Variants in NEDD4L observed in about 807,000 individuals in gnomAD.
The protein encoded by NEDD4L is NEDD4 like E3 ubiquitin protein ligase, also known as E3 ubiquitin-protein ligase NEDD4-like.
A neutral mutation model predicts 148.9 loss-of-function variants in NEDD4L; 54 were observed. That is an observed-to-expected ratio of 0.36 (90% confidence interval 0.29 to 0.45). The LOEUF (loss-of-function observed/expected upper bound fraction) is 0.45. Among genes scored for constraint, NEDD4L ranks in the 20% least tolerant of loss-of-function variants. The probability of loss-of-function intolerance (pLI) is 1.00; values close to 1 mark genes in which losing one functional copy is unlikely to be tolerated. For missense variants in NEDD4L, 856 were observed against 1,233.8 expected, an observed-to-expected ratio of 0.69 and a Z score of 4.59; for synonymous variants, 433 against 440.7, an observed-to-expected ratio of 0.98 and a Z score of 0.22.
intron 2 of NEDD4L, among the ~76,000 whole-genome samples, chr18:58,169,550 T>TAA (rs11377224): frequency 4.0e-5 from 6 of 151,604 alleles, no homozygotes; most frequent in East Asian, 1.9e-4. Context: ...CAAAACAGCT[T>TAA]AAAAAAAATG....
At chr18:58,393,822 C>T (rs1252988361) in intron 30 of NEDD4L, among the ~76,000 whole-genome samples, 1 of 152,188 alleles carries the variant, frequency 6.6e-6, no homozygotes, top group Non-Finnish European at 1.5e-5. Flanking sequence ...CCTAGAAGAG[C>T]AGAAGCTGAA....
intron 19 of NEDD4L, among the ~76,000 whole-genome samples, chr18:58,363,164 T>C (rs941453506): frequency 6.6e-6 from 1 of 152,240 alleles, no homozygotes; most frequent in Non-Finnish European, 1.5e-5. Flanking sequence ...AGTGGTTGTT[T>C]GTTTTGTTTC....
At chr18:58,060,631 T>C (rs1398338499) in intron 1 of NEDD4L, among the ~76,000 whole-genome samples, 1 of 152,120 alleles carries the variant, frequency 6.6e-6, no homozygotes, top group African/African-American at 2.4e-5. Context: ...AATCCCTAGG[T>C]TTCTTCAGAG....
chr18:58,326,076 T>C (rs1199418383), intron 9 of NEDD4L, among the ~76,000 whole-genome samples: 1 of 152,192 alleles, frequency 6.6e-6, no homozygotes, highest in Non-Finnish European at 1.5e-5. Flanking sequence ...TGGCTAATGA[T>C]ACATTTTAGA....
rs375352686 is a variant in NEDD4L, at chr18:58,327,242, C to T, written c.681-1753C>T. Among the ~76,000 whole-genome samples the T allele has an allele frequency of 4.6e-5, 7 of 152,178 alleles. No homozygotes were observed. The East Asian group carries it at 5.8e-4, about 13-fold the overall frequency. ...CCTCCTGAGTAGCTGGGATTACAGG[C>T]GCCCGCCGCCATGCCCAGCTAATGT... On this transcript the variant is annotated intron_variant, in intron 9 of 30. Coordinates refer to ENST00000400345, the MANE Select transcript of NEDD4L (RefSeq NM_001144967.3).
intron 1 of NEDD4L, among the ~76,000 whole-genome samples, chr18:58,155,413 T>G (rs76934865): frequency 0.011 from 1,720 of 152,236 alleles, 31 homozygotes; most frequent in African/African-American, 0.04. Context: ...CAAATTTCTA[T>G]TTTGCTTTAT....
At chr18:58,066,914 G>A (rs2082629772) in intron 1 of NEDD4L, among the ~76,000 whole-genome samples, 1 of 152,070 alleles carries the variant, frequency 6.6e-6, no homozygotes, top group Non-Finnish European at 1.5e-5. Flanking sequence ...CCTTGTACCA[G>A]GCCCCTCCTA....
chr18:58,237,881 G>A (rs2046212872), intron 2 of NEDD4L, among the ~76,000 whole-genome samples: 1 of 152,186 alleles, frequency 6.6e-6, no homozygotes, highest in Admixed American at 6.5e-5. Flanking sequence ...GGCAAGGGGG[G>A]CTGCAAGGCC....
At chr18:58,194,748 T>A (rs2040476412) in intron 2 of NEDD4L, among the ~76,000 whole-genome samples, 1 of 152,148 alleles carries the variant, frequency 6.6e-6, no homozygotes, top group Non-Finnish European at 1.5e-5. Context: ...TGCTATTGGG[T>A]ATGCACTGGA....
intron 30 of NEDD4L, among the ~76,000 whole-genome samples, chr18:58,395,250 A>G (rs972301480): frequency 1.3e-5 from 2 of 152,174 alleles, no homozygotes; most frequent in African/African-American, 4.8e-5. Context: ...ACACACACAC[A>G]CAGAGGTGCA....
intron 1 of NEDD4L, among the ~76,000 whole-genome samples, chr18:58,113,039 C>A (rs759085045): frequency 3.9e-5 from 6 of 152,178 alleles, no homozygotes; most frequent in Non-Finnish European, 7.3e-5. Context: ...GGAAGTGGCC[C>A]TAGTCAGACA....
Position 58,279,793 on chromosome 18 carries a change from A to G in NEDD4L, c.297+27739A>G, listed in dbSNP as rs369223238. ...GCAAACTTTCTGTAAAAGGCCAGAT[A>G]GTAAATATTGTGGCCTCTATTTAGT... On this transcript the variant is annotated intron_variant, in intron 5 of 30. Transcript: ENST00000400345. 1.4e-3 allele frequency among the ~76,000 whole-genome samples: 218 copies of G among 152,372 alleles called. 4 individuals carry two copies. In the South Asian group the frequency reaches 0.042, roughly 30 times the overall value.
chr18:58,169,481 A>G (rs995154898), intron 2 of NEDD4L, among the ~76,000 whole-genome samples: 3 of 152,140 alleles, frequency 2.0e-5, no homozygotes, highest in Admixed American at 2.0e-4. Flanking sequence ...GGTCAGAGAC[A>G]TCCAGCCTTT....
intron 1 of NEDD4L, among the ~76,000 whole-genome samples, chr18:58,077,872 G>C (rs1435772352): frequency 6.6e-6 from 1 of 152,086 alleles, no homozygotes; most frequent in Non-Finnish European, 1.5e-5. Flanking sequence ...ACAATGTCTG[G>C]GATGGTTTGG....
At position 58,256,415 on chromosome 18, in the gene NEDD4L, G is replaced by T; in HGVS notation, c.297+4361G>T. 1 of 1,232,308 alleles carries T rather than the reference G, an allele frequency of 8.1e-7. No individual in the cohort carries two copies. Among genetic ancestry groups the T allele is most frequent in the Non-Finnish European group, 1.0e-6 (1 of 988,126 alleles). 76.3% of individuals were successfully genotyped at this position (1,232,308 alleles called of 1,614,324 possible). ...ACAAGGCGCTTCGGGGCCAGGCAGC[G>T]ACCTCAACTTTGGCTTCACGGGCAC... On this transcript the variant is annotated intron_variant, in intron 5 of 30. Coordinates refer to ENST00000400345, the MANE Select transcript of NEDD4L (RefSeq NM_001144967.3). The surrounding 1 kb of genome is among the most constrained non-coding windows in gnomAD (Gnocchi z 5.2).
At chr18:58,151,925 A>T (rs2034821306) in intron 1 of NEDD4L, among the ~76,000 whole-genome samples, 1 of 152,102 alleles carries the variant, frequency 6.6e-6, no homozygotes, top group Non-Finnish European at 1.5e-5. Flanking sequence ...GTAGTAGGGC[A>T]GTATGAGTGT....
At chr18:58,292,231 G>A (rs1408023939) in intron 5 of NEDD4L, among the ~76,000 whole-genome samples, 2 of 146,328 alleles carry the variant, frequency 1.4e-5, no homozygotes, top group Non-Finnish European at 3.0e-5. Flanking sequence ...CCAGGACTTG[G>A]AGGCACTGAC....
intron 5 of NEDD4L, among the ~76,000 whole-genome samples, chr18:58,295,012 A>G (rs1037370363): frequency 1.3e-5 from 2 of 152,062 alleles, no homozygotes; most frequent in African/African-American, 4.8e-5. Context: ...AGGCACAGAA[A>G]TTTCCCATGT....
intron 5 of NEDD4L, among the ~76,000 whole-genome samples, chr18:58,312,395 G>A (rs1233241758): frequency 1.3e-5 from 2 of 152,200 alleles, no homozygotes; most frequent in African/African-American, 2.4e-5. Flanking sequence ...AAATAATTTT[G>A]TATTGGAAAT....
Sources: gnomAD v4.1 joint callset for allele counts (sites outside exome capture counted in the v4.1 genomes callset) on GRCh38, gnomAD v4.1.1 for gene constraint, Gnocchi (gnomAD v3.1) non-coding constraint, MANE v1.5 for transcripts, NCBI Gene and HGNC (gene_info 2026-07-23, HGNC 2026-07-21) for gene names.